MAMDC2: variants seen among roughly 807,000 people sequenced by gnomAD.
MAMDC2 encodes MAM domain-containing protein 2.
In MAMDC2, 57 loss-of-function variants were observed where a neutral mutation model predicts 89.8. The observed-to-expected ratio is 0.63, with a 90% CI of 0.51 to 0.79. The LOEUF (loss-of-function observed/expected upper bound fraction) is 0.79. Among genes scored for constraint, MAMDC2 ranks in the 30% least tolerant of loss-of-function variants. MAMDC2 has a pLI of 0.00. For synonymous variants in MAMDC2, 313 were observed against 293.4 expected (o/e 1.07, Z -0.68); for missense variants, 800 against 820.6 (o/e 0.97, Z 0.31).
intron 11 of MAMDC2, chr9:70,194,352 A>C (rs2032938305): frequency 6.6e-6 from 1 of 152,130 alleles, no homozygotes; most frequent in South Asian, 2.1e-4. Context: ...GACCCTTAAC[A>C]GGTGATGATT....
chr9:70,148,350 T>C (rs1439025944), intron 9 of MAMDC2, among the ~76,000 whole-genome samples: 2 of 150,122 alleles, frequency 1.3e-5, no homozygotes, highest in Non-Finnish European at 3.0e-5. Context: ...ATGCTTCCCC[T>C]CCATCATCTT....
rs992520526 is a variant in MAMDC2, at chr9:70,147,560, T to A, written c.1404+3741T>A. Among the ~76,000 whole-genome samples, 48 of 150,222 alleles carry A rather than the reference T, an allele frequency of 3.2e-4. 2 individuals are homozygous for A. The highest frequency in any genetic ancestry group is 1.1e-3 in the African/African-American group (44 of 40,608). On this transcript the variant is annotated intron_variant, in intron 9 of 13. Coordinates refer to ENST00000377182, the MANE Select transcript of MAMDC2 (RefSeq NM_153267.5). ...ACTAAACCATTTATTTTTGGATCCA[T>A]AAACTTTAGACAGTGTCTCTTGACA...
Position 70,158,082 on chromosome 9 carries a change from C to G in MAMDC2, c.1405-10620C>G, listed in dbSNP as rs147347382. 1.7e-3 allele frequency among the ~76,000 whole-genome samples: 263 copies of G among 152,204 alleles called. 1 individual carries two copies. Among genetic ancestry groups the G allele is most frequent in the African/African-American group, 6.1e-3 (252 of 41,528 alleles). On this transcript the variant is annotated intron_variant, in intron 9 of 13. Coordinates refer to ENST00000377182, the MANE Select transcript of MAMDC2 (RefSeq NM_153267.5). The stretch of plus-strand genomic sequence containing the variant: ...AGGTGATCCTCCCACCTCAGCCTCC[C>G]AAGTAGCTGGAAGTACAGGTGTGCA...
At chr9:70,066,674 A>G (rs979057876) in intron 2 of MAMDC2, among the ~76,000 whole-genome samples, 1 of 152,140 alleles carries the variant, frequency 6.6e-6, no homozygotes, top group African/African-American at 2.4e-5. Context: ...GCCAAAAGGA[A>G]AAGCTATCTT....
intron 9 of MAMDC2, among the ~76,000 whole-genome samples, chr9:70,152,809 G>A (rs753291879): frequency 6.6e-6 from 1 of 152,160 alleles, no homozygotes; most frequent in Non-Finnish European, 1.5e-5. Flanking sequence ...GGGTATACCA[G>A]GAGTATAGCC....
chr9:70,083,463 G>A (rs1827699713), intron 2 of MAMDC2: 1 of 151,680 alleles, frequency 6.6e-6, no homozygotes, highest in African/African-American at 2.4e-5. Context: ...AATTTTTTTT[G>A]CATGGATATA....
intron 2 of MAMDC2, chr9:70,090,789 T>G (rs892451274): frequency 3.3e-5 from 5 of 152,184 alleles, no homozygotes; most frequent in Non-Finnish European, 5.9e-5. Flanking sequence ...CCGTACTTAG[T>G]CCTAAATACA....
At chr9:70,164,162 A>T (rs2032086576) in intron 9 of MAMDC2, among the ~76,000 whole-genome samples, 1 of 152,128 alleles carries the variant, frequency 6.6e-6, no homozygotes, top group African/African-American at 2.4e-5. Context: ...TGATGCTGGC[A>T]TCTAATGAGT....
In MAMDC2 at chr9:70,126,239, C is replaced by T. The variant is rs761709726; in HGVS notation, c.724C>T (p.Pro242Ser). The change falls in exon 6 of 14, where the codon CCC becomes TCC. Residue 242 changes from proline to serine, a missense_variant. Transcript: ENST00000377182. The stretch of plus-strand genomic sequence containing the variant: ...GCTCATCTCCCCGTTGACCACGGCC[C>T]CCATGGCTGGCTGCCTGTCATTTTA... ...AQLISPLTTA[P>S]MAGCLSFYYQ... 6.2e-7 allele frequency: 1 copy of T among 1,614,170 alleles called. No homozygotes were observed. The highest frequency in any genetic ancestry group is 8.5e-7 in the Non-Finnish European group (1 of 1,180,022).
intron 5 of MAMDC2, among the ~76,000 whole-genome samples, chr9:70,123,662 A>G (rs1030105589): frequency 1.8e-4 from 27 of 152,204 alleles, no homozygotes; most frequent in African/African-American, 5.5e-4. Context: ...ATTAGCTAAG[A>G]TGAGGTCATG....
intron 11 of MAMDC2, among the ~76,000 whole-genome samples, chr9:70,209,199 G>C (rs1587572989): frequency 6.6e-6 from 1 of 152,318 alleles, no homozygotes; most frequent in East Asian, 1.9e-4. Context: ...AGTTTCAGAA[G>C]GAATTGTACC....
chr9:70,163,235 T>TTC (rs1401554379), intron 9 of MAMDC2, among the ~76,000 whole-genome samples: 2 of 148,302 alleles, frequency 1.3e-5, no homozygotes, highest in Non-Finnish European at 3.0e-5. Flanking sequence ...CTTTCTTTTT[T>TTC]TTTTTTTTTT....
In MAMDC2 at chr9:70,044,606, C is replaced by A. The variant is rs1243738357; in HGVS notation, c.57C>A (p.Leu19=). ...ALQALQLAGA[L]DLPAGSCAFE... is the part of the protein sequence containing the mutation. ...CAGCCCTGCAGCTCGCCGGTGCCCT[C>A]GACCTGCCCGCTGGGTCCTGTGCCT... The change falls in exon 2 of 14, where the codon CTC becomes CTA. Residue 19 remains leucine, a synonymous_variant. Transcript: ENST00000377182. 3 of 1,550,634 alleles carry A rather than the reference C, an allele frequency of 1.9e-6. No homozygotes were observed. In the Admixed American group the frequency reaches 5.9e-5, roughly 30 times the overall value.
chr9:70,206,738 T>C (rs191053689), intron 11 of MAMDC2, among the ~76,000 whole-genome samples: 285 of 152,290 alleles, frequency 1.9e-3, no homozygotes, highest in African/African-American at 6.6e-3. Flanking sequence ...CATTAACTCG[T>C]CATTTACAAT....
At chr9:70,192,158 T>A (rs1451957842) in intron 11 of MAMDC2, among the ~76,000 whole-genome samples, 1 of 152,102 alleles carries the variant, frequency 6.6e-6, no homozygotes, top group East Asian at 1.9e-4. Context: ...TTTTCTTAGA[T>A]CTTGATCCCT....
intron 4 of MAMDC2, among the ~76,000 whole-genome samples, chr9:70,111,637 CTG>C (rs1342140620): frequency 6.6e-6 from 1 of 152,218 alleles, no homozygotes; most frequent in East Asian, 1.9e-4. Context: ...CTAGCAGACA[CTG>C]TGGTGGAAAC....
intron 9 of MAMDC2, among the ~76,000 whole-genome samples, chr9:70,149,416 C>A (rs1300045156): frequency 2.0e-5 from 3 of 151,980 alleles, no homozygotes; most frequent in Non-Finnish European, 4.4e-5. Flanking sequence ...AGTGCATTCT[C>A]AAGGAAGGCC....
intron 2 of MAMDC2, among the ~76,000 whole-genome samples, chr9:70,105,671 G>C (rs1433393656): frequency 6.6e-6 from 1 of 152,124 alleles, no homozygotes; most frequent in Non-Finnish European, 1.5e-5. Context: ...TCATCACACA[G>C]AATAAAATCT....
At chr9:70,204,926 C>G (rs1288402765) in intron 11 of MAMDC2, among the ~76,000 whole-genome samples, 6 of 152,170 alleles carry the variant, frequency 3.9e-5, no homozygotes, top group Non-Finnish European at 5.9e-5. Flanking sequence ...GCGCATGGTG[C>G]GCACACCCAC....
Sources: gnomAD v4.1 joint callset for allele counts (sites outside exome capture counted in the v4.1 genomes callset) on GRCh38, gnomAD v4.1.1 for gene constraint, MANE v1.5 for transcripts, NCBI Gene and HGNC (gene_info 2026-07-23, HGNC 2026-07-21) for gene names.